Variants in ECE1 observed in about 807,000 individuals in gnomAD.
The protein encoded by ECE1 is endothelin-converting enzyme 1.
Under a neutral mutation model 98.6 loss-of-function variants are expected in ECE1, and 35 were observed. That is an observed-to-expected ratio of 0.35 (90% CI 0.27 to 0.47). ECE1 has a LOEUF of 0.47. Ranked by LOEUF, ECE1 falls within the 20% of genes least tolerant of loss-of-function variation. The probability of loss-of-function intolerance (pLI) is 1.00; values close to 1 mark genes in which losing one functional copy is unlikely to be tolerated. For synonymous variants in ECE1, 394 were observed against 407.1 expected (o/e 0.97, Z 0.39); for missense variants, 814 against 1,025.3 (o/e 0.79, Z 2.81).
chr1:21,345,356 C>T lies in ECE1; in HGVS notation c.3+20G>A. 7.4e-7 allele frequency: 1 copy of T among 1,360,138 alleles called. No homozygotes were observed. Among genetic ancestry groups the T allele is most frequent in the South Asian group, 1.6e-5 (1 of 61,404 alleles). 84.3% of individuals were successfully genotyped at this position (1,360,138 alleles called of 1,614,324 possible). ...CGAGGCTGGGCTGGACCGGACCAGA[C>T]CTCCGCGCGCAGCACTCACCATAGC... On this transcript the variant is annotated intron_variant, in intron 1 of 18. Transcript: ENST00000415912. This position sits in a 1 kb window ranked among gnomAD's most constrained non-coding sequence, Gnocchi z 5.1.
In ECE1 at chr1:21,297,365, G is replaced by A. The variant is rs1638382486; in HGVS notation, c.4-7209C>T. ...CCTGCCCACCCTGTCCACTTGCCTG[G>A]CAACCTCCATCAATCATCTCTGGTC... On this transcript the variant is annotated intron_variant, in intron 1 of 18. Coordinates refer to the ECE1 transcript ENST00000415912. Among the ~76,000 whole-genome samples the A allele has an allele frequency of 3.3e-5, 5 of 152,118 alleles. No individual in the cohort carries two copies. In the South Asian group the frequency reaches 1.0e-3, roughly 32 times the overall value.
intron 10 of ECE1, among the ~76,000 whole-genome samples, chr1:21,243,672 C>A (rs537822431): frequency 2.6e-5 from 4 of 152,378 alleles, no homozygotes; most frequent in South Asian, 4.1e-4. Context: ...CTGATCAAAT[C>A]TCTCTGTAGG....
intron 14 of ECE1, among the ~76,000 whole-genome samples, chr1:21,231,824 G>T (rs929690402): frequency 6.6e-6 from 1 of 152,182 alleles, no homozygotes; most frequent in Non-Finnish European, 1.5e-5. Flanking sequence ...ATGTTGCCCA[G>T]GCTGGTCTCA....
chr1:21,290,626 A>C, upstream of ECE1: 2 of 1,070,580 alleles, frequency 1.9e-6, no homozygotes, highest in Non-Finnish European at 2.4e-6. This position sits in a 1 kb window ranked among gnomAD's most constrained non-coding sequence, Gnocchi z 7.3. Context: ...GGGCCCCCAA[A>C]CTGAAGCCCC....
At chr1:21,330,375 C>T (rs1639174941) in intron 1 of ECE1, among the ~76,000 whole-genome samples, 1 of 151,448 alleles carries the variant, frequency 6.6e-6, no homozygotes, top group Non-Finnish European at 1.5e-5. Context: ...ACCAAAGGCA[C>T]GTGCCACCAT....
At chr1:21,283,600 T>A (rs1337462326) in intron 2 of ECE1, among the ~76,000 whole-genome samples, 1 of 152,110 alleles carries the variant, frequency 6.6e-6, no homozygotes, top group Non-Finnish European at 1.5e-5. Context: ...AGAGTAGGTA[T>A]TAGCGTTAGC....
intron 1 of ECE1, among the ~76,000 whole-genome samples, chr1:21,321,879 G>C (rs541618950): frequency 6.6e-6 from 1 of 152,176 alleles, no homozygotes; most frequent in Non-Finnish European, 1.5e-5. Flanking sequence ...GCCTCCCAAA[G>C]TGCTGGGATT....
At chr1:21,236,669 CG>C (rs2098188597) in intron 12 of ECE1, 76 bp downstream of exon 12, 2 of 1,374,660 alleles carry the variant, frequency 1.5e-6, no homozygotes, top group African/African-American at 2.9e-5. Flanking sequence ...ACAAAAAAAC[CG>C]GCCTCTCCTT....
intron 16 of ECE1, among the ~76,000 whole-genome samples, chr1:21,226,365 C>T (rs1303870198): frequency 3.3e-5 from 5 of 152,190 alleles, no homozygotes; most frequent in East Asian, 3.8e-4. Flanking sequence ...GGAACCATCA[C>T]GCTCCTTTTA....
intron 1 of ECE1, among the ~76,000 whole-genome samples, chr1:21,302,316 C>T (rs1295436132): frequency 6.6e-6 from 1 of 152,140 alleles, no homozygotes; most frequent in Non-Finnish European, 1.5e-5. Context: ...TGGTGCTAAG[C>T]GCCCTACACA....
chr1:21,335,731 C>T (rs1431989697), intron 1 of ECE1, among the ~76,000 whole-genome samples: 2 of 152,214 alleles, frequency 1.3e-5, no homozygotes, highest in Non-Finnish European at 2.9e-5. Context: ...TGAGCTCCTG[C>T]CTGGGGTGGG....
intron 1 of ECE1, among the ~76,000 whole-genome samples, chr1:21,303,186 G>A (rs1179478565): frequency 6.6e-6 from 1 of 152,242 alleles, no homozygotes; most frequent in Non-Finnish European, 1.5e-5. Context: ...AATCCCAGCA[G>A]GGTGGGGCCG....
intron 14 of ECE1, among the ~76,000 whole-genome samples, chr1:21,228,606 CA>C (rs2098177534): frequency 6.6e-6 from 1 of 151,670 alleles, no homozygotes; most frequent in East Asian, 2.0e-4. Context: ...GCCAACACGG[CA>C]AAACCCTGTC....
rs1076032 is a variant in ECE1, at chr1:21,225,656, C to T, written c.1850-216G>A. Reference sequence around the variant, plus strand: ...GGAGAGAAATCGGGAAAAGCTCCAGCGTGGCCCGAGGCTCAGTGGGGCTTG... The same window carrying T: ...GGAGAGAAATCGGGAAAAGCTCCAGTGTGGCCCGAGGCTCAGTGGGGCTTG... On this transcript the variant is annotated intron_variant, in intron 16 of 18. Transcript: ENST00000374893. This position sits in a 1 kb window ranked among gnomAD's most constrained non-coding sequence, Gnocchi z 5.3. Among the ~76,000 whole-genome samples the T allele has an allele frequency of 0.068, 10,177 of 150,718 alleles. 426 individuals are homozygous for T. Among genetic ancestry groups the T allele is most frequent in the Middle Eastern group, 0.11 (31 of 288 alleles).
intron 1 of ECE1, among the ~76,000 whole-genome samples, chr1:21,316,839 T>C (rs997294283): frequency 6.6e-6 from 1 of 152,150 alleles, no homozygotes; most frequent in Non-Finnish European, 1.5e-5. Context: ...GAGCCTCCAA[T>C]CAATTATTGA....
intron 1 of ECE1, among the ~76,000 whole-genome samples, chr1:21,333,631 G>A (rs887080770): frequency 7.2e-5 from 11 of 152,122 alleles, no homozygotes; most frequent in Non-Finnish European, 1.2e-4. Context: ...TCAGGAGTTC[G>A]AGACCAGCCT....
intron 2 of ECE1, 92 bp downstream of exon 2, chr1:21,289,978 C>G (rs913835589): frequency 9.9e-7 from 1 of 1,010,304 alleles, no homozygotes. Flanking sequence ...GGGGAAGAGG[C>G]GGGGTAGGTA....
In ECE1 at chr1:21,238,549, G is replaced by A. The variant is rs76543399; in HGVS notation, c.1279-305C>T. ...ACTGATGGGGAAACACACTCGGCAC[G>A]GAGCAGCTGCTGGCCCAGGGTGCCC... On this transcript the variant is annotated intron_variant, in intron 10 of 18. Transcript: ENST00000374893. Among the ~76,000 whole-genome samples, 508 of 152,174 alleles carry A rather than the reference G, an allele frequency of 3.3e-3. 6 individuals are homozygous for A. Among genetic ancestry groups the A allele is most frequent in the African/African-American group, 0.011 (475 of 41,540 alleles).
At chr1:21,230,131 A>G (rs7525076) in intron 14 of ECE1, among the ~76,000 whole-genome samples, 21,458 of 152,080 alleles carry the variant, frequency 0.14, 3,571 homozygotes, top group African/African-American at 0.4. Context: ...AGCCTGGGAA[A>G]GTTGAGGCTG....
Sources: gnomAD v4.1 joint callset for allele counts (sites outside exome capture counted in the v4.1 genomes callset) on GRCh38, gnomAD v4.1.1 for gene constraint, Gnocchi (gnomAD v3.1) non-coding constraint, MANE v1.5 for transcripts, NCBI Gene and HGNC (gene_info 2026-07-23, HGNC 2026-07-21) for gene names.